Variants in KATNAL2 observed in about 807,000 individuals in gnomAD.
KATNAL2 encodes katanin p60 ATPase-containing subunit A-like 2.
In KATNAL2, 52 loss-of-function variants were observed where a neutral mutation model predicts 76.3. The observed-to-expected ratio is 0.68, with a 90% CI of 0.55 to 0.86. The LOEUF (loss-of-function observed/expected upper bound fraction) is 0.86. Among genes scored for constraint, KATNAL2 ranks in the 40% least tolerant of loss-of-function variants. KATNAL2 has a pLI of 0.00. For missense variants in KATNAL2, 660 were observed against 668.9 expected (o/e 0.99, Z 0.15); for synonymous variants, 243 against 244.2 (o/e 1.00, Z 0.05).
intron 3 of KATNAL2, chr18:47,033,559 C>T (rs202109165): frequency 1.4e-5 from 22 of 1,614,152 alleles, no homozygotes; most frequent in East Asian, 4.5e-5. Context: ...TTTCTTTCTG[C>T]GATACAGCTG....
chr18:46,938,422 A>G (rs944940591), intron 1 of KATNAL2, among the ~76,000 whole-genome samples: 2 of 152,212 alleles, frequency 1.3e-5, no homozygotes, highest in African/African-American at 4.8e-5. Context: ...TTTAAAAAAG[A>G]AAGGATCTGA....
At chr18:46,938,942 C>T (rs938093369) in intron 1 of KATNAL2, among the ~76,000 whole-genome samples, 1 of 152,148 alleles carries the variant, frequency 6.6e-6, no homozygotes, top group African/African-American at 2.4e-5. Context: ...CCTGCACCCC[C>T]AGTCCTTTGC....
intron 15 of KATNAL2, among the ~76,000 whole-genome samples, chr18:47,084,847 T>TAAGAAAAAA (rs2062699204): frequency 3.9e-5 from 1 of 25,534 alleles, no homozygotes; most frequent in African/African-American, 1.8e-4. Flanking sequence ...AGACTCTGTC[T>TAAGAAAAAA]AAAAAAAAAA....
intron 3 of KATNAL2, chr18:47,032,424 C>A (rs1289405894): frequency 6.0e-6 from 1 of 165,628 alleles, no homozygotes; most frequent in African/African-American, 2.4e-5. Flanking sequence ...GTTTTGATAT[C>A]TTTTGCAGAG....
At chr18:47,062,895 G>T (rs1370769198) in intron 8 of KATNAL2, 77 bp from the exon 9 acceptor site, 9 of 1,155,640 alleles carry the variant, frequency 7.8e-6, no homozygotes, top group African/African-American at 6.1e-5. Flanking sequence ...AATGTGTCTT[G>T]GTTTAATGAA....
At chr18:47,033,132 G>T (rs777095973) in intron 3 of KATNAL2, 17 of 1,614,116 alleles carry the variant, frequency 1.1e-5, no homozygotes, top group South Asian at 2.2e-5. Context: ...TCAGGCAGGG[G>T]TTGGCCCGCT....
intron 8 of KATNAL2, 101 bp downstream of exon 8, chr18:47,059,755 A>G: frequency 1.1e-6 from 1 of 891,372 alleles, no homozygotes; most frequent in South Asian, 1.5e-5. Context: ...GAAAGTTAAG[A>G]TGTGATTTTT....
chr18:47,077,498 C>A, intron 15 of KATNAL2, 37 bp downstream of exon 15: 1 of 1,463,910 alleles, frequency 6.8e-7, no homozygotes, highest in Non-Finnish European at 9.6e-7. Context: ...AATACATTTT[C>A]AGGAGTCACT....
At chr18:46,924,899 A>G (rs2058680826) in intron 1 of KATNAL2, among the ~76,000 whole-genome samples, 2 of 152,216 alleles carry the variant, frequency 1.3e-5, no homozygotes, top group African/African-American at 4.8e-5. Flanking sequence ...TTATTGGTGT[A>G]TAAGAATGCT....
chr18:47,050,971 A>G (rs1048630668), intron 4 of KATNAL2, among the ~76,000 whole-genome samples: 3 of 152,238 alleles, frequency 2.0e-5, no homozygotes, highest in African/African-American at 7.2e-5. Flanking sequence ...AGAATTGGTG[A>G]CAGCAGACAA....
At chr18:47,044,800 T>C (rs114587372) in intron 3 of KATNAL2, among the ~76,000 whole-genome samples, 2,227 of 134,236 alleles carry the variant, frequency 0.017, 72 homozygotes, top group African/African-American at 0.061. Context: ...CAGTTTAAAA[T>C]GGGTCCGGTG....
intron 4 of KATNAL2, among the ~76,000 whole-genome samples, chr18:47,050,199 C>G (rs1301172287): frequency 6.6e-6 from 1 of 151,476 alleles, no homozygotes; most frequent in Non-Finnish European, 1.5e-5. Flanking sequence ...TTTTTTTTCT[C>G]AGACCATCTT....
Position 47,077,370 on chromosome 18 carries a change from C to T in KATNAL2, c.1120C>T (p.Leu374=), listed in dbSNP as rs548135131. ...CTGTAGGGGAGAACATGAAGGAAGC[C>T]TGCGGATGAAGACAGAGTTACTGGT... ...TASGGEHEGS[L]RMKTELLVQM... Residue 374 remains leucine, a synonymous_variant, in exon 15 of 18, where the codon CTG becomes TTG. Transcript: ENST00000683218. The T allele has an allele frequency of 6.2e-7, 1 of 1,613,678 alleles. No homozygotes were observed. The highest frequency in any genetic ancestry group is 1.1e-5 in the South Asian group (1 of 91,068).
At chr18:46,939,650 C>G (rs115981003) in intron 1 of KATNAL2, among the ~76,000 whole-genome samples, 68 of 152,234 alleles carry the variant, frequency 4.5e-4, no homozygotes, top group African/African-American at 1.6e-3. Flanking sequence ...GAAAGCAACA[C>G]TGATTGAGAG....
intron 11 of KATNAL2, among the ~76,000 whole-genome samples, chr18:47,067,380 A>T (rs2061846360): frequency 6.6e-6 from 1 of 152,144 alleles, no homozygotes; most frequent in Non-Finnish European, 1.5e-5. Context: ...AGTATACATG[A>T]TTTGTCAGAT....
chr18:47,057,600 C>T (rs2061508257), intron 6 of KATNAL2, among the ~76,000 whole-genome samples: 1 of 152,194 alleles, frequency 6.6e-6, no homozygotes, highest in Non-Finnish European at 1.5e-5. Context: ...TGACTTCCAG[C>T]CCCATCAGTT....
chr18:47,032,910 CTGGTGTCCAT>C, intron 3 of KATNAL2: 1 of 1,605,390 alleles, frequency 6.2e-7, no homozygotes, highest in South Asian at 1.1e-5. Flanking sequence ...GTTAAAGGTT[CTGGTGTCCAT>C]TGGAAGTTTC....
chr18:47,064,083 C>T (rs1381560988), intron 10 of KATNAL2, among the ~76,000 whole-genome samples: 2 of 152,190 alleles, frequency 1.3e-5, no homozygotes, highest in East Asian at 3.8e-4. Flanking sequence ...CTAAGGGCTC[C>T]TGAGCTGTCT....
Position 47,098,201 on chromosome 18 carries a change from G to A in KATNAL2, c.1212-1042G>A, listed in dbSNP as rs185212432. ...GAAAGCCATTGCACTCCAGCCTGGC[G>A]ACAGAGCAAGACTCCGTCTCAAAAA... On this transcript the variant is annotated intron_variant, in intron 15 of 17. Coordinates refer to ENST00000683218, the MANE Select transcript of KATNAL2 (RefSeq NM_001387690.1). 7.0e-5 allele frequency: 25 copies of A among 356,508 alleles called. No homozygotes were observed. In the Admixed American group the frequency reaches 9.0e-4, roughly 13 times the overall value. 22.1% of individuals were successfully genotyped at this position (356,508 alleles called of 1,614,324 possible). A position where few individuals can be genotyped will look rare whatever the true frequency, so the allele number is the denominator to read the frequency against.
Sources: gnomAD v4.1 joint callset for allele counts (sites outside exome capture counted in the v4.1 genomes callset) on GRCh38, gnomAD v4.1.1 for gene constraint, MANE v1.5 for transcripts, NCBI Gene and HGNC (gene_info 2026-07-23, HGNC 2026-07-21) for gene names.